The following ARFGEF1 variants were observed in gnomAD, a reference collection of about 807,000 sequenced individuals.
ARFGEF1 encodes the protein brefeldin A-inhibited guanine nucleotide-exchange protein 1.
Under a neutral mutation model 231.0 loss-of-function variants are expected in ARFGEF1, and 42 were observed. The ratio of observed to expected loss-of-function variants is 0.18; its 90% CI spans 0.14 to 0.24. ARFGEF1 has a LOEUF of 0.24. Among genes scored for constraint, ARFGEF1 ranks in the 10% least tolerant of loss-of-function variants. The pLI is 1.00. For missense variants in ARFGEF1, 1,345 were observed against 2,192.0 expected (o/e 0.61, Z 7.72); for synonymous variants, 710 against 732.3 (o/e 0.97, Z 0.49).
chr8:67,299,422 T>C (rs778271384), intron 3 of ARFGEF1, 67 bp from the exon 4 acceptor site: 3 of 1,373,668 alleles, frequency 2.2e-6, no homozygotes, highest in Admixed American at 2.5e-5. Flanking sequence ...TAATGCAATA[T>C]ACATTAAAAT....
chr8:67,299,860 C>G (rs867188524), intron 3 of ARFGEF1, among the ~76,000 whole-genome samples: 2 of 152,010 alleles, frequency 1.3e-5, no homozygotes, highest in Non-Finnish European at 1.5e-5. Flanking sequence ...CCCAGCTACT[C>G]AGGAGGCTGA....
intron 1 of ARFGEF1, among the ~76,000 whole-genome samples, chr8:67,324,786 A>G: frequency 6.6e-6 from 1 of 152,252 alleles, no homozygotes; most frequent in East Asian, 1.9e-4. Context: ...TGTTTGTTAA[A>G]TAAAATAGTG....
intron 25 of ARFGEF1, 24 bp downstream of exon 25, chr8:67,227,939 C>T: frequency 6.6e-7 from 1 of 1,508,086 alleles, no homozygotes; most frequent in Non-Finnish European, 8.8e-7. Context: ...CAAATGTAAA[C>T]AAACACCATA....
chr8:67,268,535 C>CA (rs1204512069), intron 10 of ARFGEF1, among the ~76,000 whole-genome samples: 2 of 152,146 alleles, frequency 1.3e-5, no homozygotes, highest in South Asian at 4.1e-4. Context: ...AATCACACTA[C>CA]ATTCCCTTCA....
chr8:67,321,578 A>G (rs1807596058), intron 1 of ARFGEF1, among the ~76,000 whole-genome samples: 1 of 152,054 alleles, frequency 6.6e-6, no homozygotes, highest in Non-Finnish European at 1.5e-5. Context: ...CTCCTGCCTC[A>G]GCCTCCCGAG....
chr8:67,186,543 A>G (rs1189135211), intron 5 of ARFGEF1, among the ~76,000 whole-genome samples: 2 of 152,194 alleles, frequency 1.3e-5, no homozygotes, highest in Non-Finnish European at 2.9e-5. Flanking sequence ...AACTTCTGCA[A>G]CTTGATAAAG....
intron 33 of ARFGEF1, 82 bp downstream of exon 33, chr8:67,216,508 A>G: frequency 8.0e-7 from 1 of 1,245,170 alleles, no homozygotes; most frequent in Non-Finnish European, 1.1e-6. Context: ...GATTAAGACA[A>G]TTACATGTAA....
At chr8:67,242,283 A>G (rs765264345) in intron 19 of ARFGEF1, among the ~76,000 whole-genome samples, 1 of 152,230 alleles carries the variant, frequency 6.6e-6, no homozygotes, top group Non-Finnish European at 1.5e-5. Context: ...CATAGCTTGT[A>G]GCTCCAAAAC....
At chr8:67,283,442 G>A (rs916808683) in intron 7 of ARFGEF1, among the ~76,000 whole-genome samples, 2 of 152,034 alleles carry the variant, frequency 1.3e-5, no homozygotes, top group Admixed American at 1.3e-4. Flanking sequence ...GAAAAAGGCA[G>A]ATTATCAAAC....
chr8:67,321,379 T>C (rs1221023265), intron 1 of ARFGEF1, among the ~76,000 whole-genome samples: 1 of 152,130 alleles, frequency 6.6e-6, no homozygotes, highest in African/African-American at 2.4e-5. Flanking sequence ...TGTGACGTAG[T>C]TGGTTGTATT....
intron 5 of ARFGEF1, among the ~76,000 whole-genome samples, chr8:67,180,801 G>C (rs1832814792): frequency 6.6e-6 from 1 of 151,670 alleles, no homozygotes. Flanking sequence ...AGTCAAAAAA[G>C]TCATAAGACT....
intron 19 of ARFGEF1, among the ~76,000 whole-genome samples, chr8:67,244,242 CAAAAAAA>C (rs34333039): frequency 0.021 from 422 of 20,078 alleles, 19 homozygotes; most frequent in African/African-American, 0.059. Context: ...GACTCCACCT[CAAAAAAA>C]AAAAAAAAAA....
At chr8:67,239,151 C>T (rs1315181855) in intron 20 of ARFGEF1, among the ~76,000 whole-genome samples, 4 of 151,962 alleles carry the variant, frequency 2.6e-5, no homozygotes, top group African/African-American at 7.2e-5. Context: ...GGATTACAGG[C>T]GCCCACTACC....
At chr8:67,306,060 CTT>C (rs1253380804) in intron 1 of ARFGEF1, among the ~76,000 whole-genome samples, 10 of 152,234 alleles carry the variant, frequency 6.6e-5, no homozygotes, top group African/African-American at 2.4e-4. Flanking sequence ...ATTGTTTTTT[CTT>C]AAGTTGAGAA....
intron 1 of ARFGEF1, among the ~76,000 whole-genome samples, chr8:67,318,564 T>G (rs183681963): frequency 6.6e-6 from 1 of 152,118 alleles, no homozygotes; most frequent in African/African-American, 2.4e-5. Context: ...CCAAGAAATC[T>G]TGAAGAAGAA....
intron 1 of ARFGEF1, among the ~76,000 whole-genome samples, chr8:67,333,785 T>C (rs1181850297): frequency 5.3e-5 from 8 of 152,144 alleles, no homozygotes; most frequent in Non-Finnish European, 1.0e-4. Flanking sequence ...GAATCTCATC[T>C]CACGTGATGG....
downstream of ARFGEF1, chr8:67,175,133 T>G: frequency 1.6e-6 from 1 of 617,596 alleles, no homozygotes; most frequent in Non-Finnish European, 2.9e-6. Context: ...ATTCTTTAGT[T>G]TTGTGGCTAT....
intron 9 of ARFGEF1, among the ~76,000 whole-genome samples, chr8:67,273,262 ACTAT>A: frequency 6.6e-6 from 1 of 152,054 alleles, no homozygotes; most frequent in South Asian, 2.1e-4. Flanking sequence ...GCTTCTGATC[ACTAT>A]CTAGTGTTTT....
chr8:67,227,103 C>A, intron 27 of ARFGEF1, 34 bp downstream of exon 27: 3 of 1,474,682 alleles, frequency 2.0e-6, no homozygotes, highest in East Asian at 2.4e-5. Flanking sequence ...TTTTTTTTTT[C>A]CTTTTACTTG....
Sources: allele counts gnomAD v4.1 joint callset (sites outside exome capture counted in the v4.1 genomes callset), GRCh38; gene constraint gnomAD v4.1.1; transcripts MANE v1.5; gene names NCBI Gene and HGNC (gene_info 2026-07-23, HGNC 2026-07-21).